TMEM161B: variants seen among roughly 807,000 people sequenced by gnomAD.
TMEM161B encodes transmembrane protein 161B.
A neutral mutation model predicts 61.8 loss-of-function variants in TMEM161B; 34 were observed. That is an observed-to-expected ratio of 0.55 (90% CI 0.42 to 0.73). TMEM161B has a LOEUF of 0.73. Ranked by LOEUF, TMEM161B falls within the 30% of genes least tolerant of loss-of-function variation. The pLI, the probability that TMEM161B is intolerant of heterozygous loss-of-function variation, is 0.00. For synonymous variants in TMEM161B, 167 were observed against 192.8 expected (o/e 0.87, Z 1.11); for missense variants, 456 against 558.5 (o/e 0.82, Z 1.85).
At chr5:88,204,788 G>C (rs750093338) in intron 8 of TMEM161B, among the ~76,000 whole-genome samples, 19 of 151,646 alleles carry the variant, frequency 1.3e-4, no homozygotes. Flanking sequence ...GGAGTGTGTA[G>C]TGGGAGGCGA....
At chr5:88,236,070 A>T (rs1156336743) in intron 2 of TMEM161B, among the ~76,000 whole-genome samples, 1 of 152,214 alleles carries the variant, frequency 6.6e-6, no homozygotes, top group Admixed American at 6.5e-5. Flanking sequence ...CATCAAAGGG[A>T]ACTTGCAGAT....
chr5:88,213,514 C>T (rs1421792746), intron 5 of TMEM161B, among the ~76,000 whole-genome samples: 1 of 151,820 alleles, frequency 6.6e-6, no homozygotes, highest in African/African-American at 2.4e-5. Flanking sequence ...AAGAGAATAG[C>T]CAAAAATTTC....
intron 1 of TMEM161B, among the ~76,000 whole-genome samples, 164 bp from the exon 2 acceptor site, chr5:88,241,080 G>C (rs935504670): frequency 4.6e-5 from 7 of 151,480 alleles, no homozygotes; most frequent in Admixed American, 2.6e-4. Context: ...CACAACTGCA[G>C]ATCAAAAATA....
chr5:88,189,995 C>G, exon 13 of TMEM161B: 1 of 692,314 alleles, frequency 1.4e-6, no homozygotes, highest in Non-Finnish European at 2.6e-6. Context: ...CAGCCACAAA[C>G]GCCAGCCCAT....
chr5:88,240,190 C>A (rs981015616), intron 2 of TMEM161B, among the ~76,000 whole-genome samples: 6 of 151,738 alleles, frequency 4.0e-5, no homozygotes, highest in Non-Finnish European at 8.8e-5. Flanking sequence ...TAAAATCCCA[C>A]AACATAACTT....
downstream of TMEM161B, among the ~76,000 whole-genome samples, chr5:88,191,712 C>T (rs1238063572): frequency 6.6e-6 from 1 of 151,742 alleles, no homozygotes; most frequent in Non-Finnish European, 1.5e-5. Context: ...AATCCCAGCA[C>T]TTTGGGAGGC....
chr5:88,234,906 A>T (rs573179359), intron 2 of TMEM161B, among the ~76,000 whole-genome samples: 1 of 152,198 alleles, frequency 6.6e-6, no homozygotes, highest in South Asian at 2.1e-4. Flanking sequence ...CTCTAAGATA[A>T]ATAAATAAGC....
intron 5 of TMEM161B, among the ~76,000 whole-genome samples, chr5:88,210,969 T>C (rs1181375962): frequency 6.6e-6 from 1 of 152,204 alleles, no homozygotes; most frequent in South Asian, 2.1e-4. Context: ...ATATGCAGTC[T>C]CTGTAGCATA....
intron 1 of TMEM161B, among the ~76,000 whole-genome samples, chr5:88,256,183 G>A (rs1168769519): frequency 6.6e-6 from 1 of 152,028 alleles, no homozygotes; most frequent in African/African-American, 2.4e-5. Context: ...TATTTTAAAA[G>A]ATAACTTTCC....
At chr5:88,244,374 C>T (rs1418808777) in intron 1 of TMEM161B, among the ~76,000 whole-genome samples, 1 of 151,784 alleles carries the variant, frequency 6.6e-6, no homozygotes, top group East Asian at 1.9e-4. Context: ...TATCCCAGTA[C>T]GATTTACTGT....
At chr5:88,207,802 T>C (rs1264594082) in intron 5 of TMEM161B, among the ~76,000 whole-genome samples, 2 of 152,112 alleles carry the variant, frequency 1.3e-5, no homozygotes, top group African/African-American at 2.4e-5. Context: ...GGCCCAAAGA[T>C]AGAACTCAGA....
At chr5:88,249,770 C>A (rs1243038653) in intron 1 of TMEM161B, among the ~76,000 whole-genome samples, 1 of 152,088 alleles carries the variant, frequency 6.6e-6, no homozygotes, top group Non-Finnish European at 1.5e-5. Flanking sequence ...AGTGTGCTGG[C>A]CTTTCTCAGA....
intron 2 of TMEM161B, among the ~76,000 whole-genome samples, chr5:88,239,144 AATAAAG>A (rs1265112032): frequency 3.3e-5 from 5 of 152,030 alleles, no homozygotes; most frequent in South Asian, 2.1e-4. Context: ...TTCCAATATT[AATAAAG>A]ATAATCAGCT....
At chr5:88,202,737 G>A (rs529206049) in intron 9 of TMEM161B, 19 of 513,100 alleles carry the variant, frequency 3.7e-5, no homozygotes, top group East Asian at 2.6e-4. Context: ...TAGTGTGTAA[G>A]GTAATATTAG....
chr5:88,227,580 G>T (rs1750266712), intron 3 of TMEM161B, among the ~76,000 whole-genome samples: 1 of 152,058 alleles, frequency 6.6e-6, no homozygotes, highest in South Asian at 2.1e-4. Flanking sequence ...ATGGTAGTAA[G>T]ATCAAAAAAG....
intron 1 of TMEM161B, among the ~76,000 whole-genome samples, chr5:88,245,574 T>C (rs1238812854): frequency 6.6e-6 from 1 of 151,916 alleles, no homozygotes; most frequent in Non-Finnish European, 1.5e-5. Context: ...CTCACAAACA[T>C]ATATAATAAT....
At chr5:88,265,125 A>G (rs1756209572) in intron 1 of TMEM161B, among the ~76,000 whole-genome samples, 1 of 152,218 alleles carries the variant, frequency 6.6e-6, no homozygotes, top group Non-Finnish European at 1.5e-5. Context: ...TAAAAATACA[A>G]TTCTAAAACT....
chr5:88,267,760 C>G (rs540134355), intron 1 of TMEM161B, among the ~76,000 whole-genome samples: 12 of 152,274 alleles, frequency 7.9e-5, no homozygotes, highest in African/African-American at 2.9e-4. Flanking sequence ...CCTTGTTTAC[C>G]TATAACAAGG....
intron 5 of TMEM161B, among the ~76,000 whole-genome samples, chr5:88,211,219 C>G (rs1365123503): frequency 2.6e-5 from 4 of 151,780 alleles, no homozygotes. Context: ...ATGACAGACA[C>G]AGCAGAATGA....
Sources: allele counts gnomAD v4.1 joint callset (sites outside exome capture counted in the v4.1 genomes callset), GRCh38; gene constraint gnomAD v4.1.1; transcripts MANE v1.5; gene names NCBI Gene and HGNC (gene_info 2026-07-23, HGNC 2026-07-21).